Variants in CADPS2 observed in about 807,000 individuals in gnomAD.
CADPS2 encodes the protein calcium-dependent secretion activator 2.
A neutral mutation model predicts 172.5 loss-of-function variants in CADPS2; 93 were observed. The observed-to-expected ratio is 0.54, with a 90% CI of 0.46 to 0.64. CADPS2 has a LOEUF of 0.64. Among genes scored for constraint, CADPS2 ranks in the 30% least tolerant of loss-of-function variants. CADPS2 has a pLI of 0.00. For synonymous variants in CADPS2, 546 were observed against 555.2 expected (o/e 0.98, Z 0.23); for missense variants, 1,420 against 1,565.9 (o/e 0.91, Z 1.57).
At position 122,529,812 on chromosome 7, in the gene CADPS2, T is replaced by C. The variant is rs2429581; in HGVS notation, c.1476-16497A>G. Among the ~76,000 whole-genome samples, 506 of 152,230 alleles carry C rather than the reference T, an allele frequency of 3.3e-3. 4 individuals are homozygous for C. Among genetic ancestry groups the C allele is most frequent in the African/African-American group, 0.012 (481 of 41,582 alleles). ...TTCCTGGGTATGAGGTTTGATTCAA[T>C]TGCTGGCACATTTATATCTGCTTTT... On this transcript the variant is annotated intron_variant, in intron 8 of 29. Coordinates refer to ENST00000449022, the MANE Select transcript of CADPS2 (RefSeq NM_017954.11).
At chr7:122,325,187 A>G (rs1200205378) in intron 29 of CADPS2, among the ~76,000 whole-genome samples, 2 of 152,176 alleles carry the variant, frequency 1.3e-5, no homozygotes, top group Non-Finnish European at 2.9e-5. Context: ...GCTTAAGAAA[A>G]TTAATGTAAA....
intron 1 of CADPS2, among the ~76,000 whole-genome samples, chr7:122,744,245 G>GGCA (rs2092624613): frequency 6.6e-6 from 1 of 152,112 alleles, no homozygotes; most frequent in South Asian, 2.1e-4. Context: ...ATGGTGAGGT[G>GGCA]GCAAGATAAA....
At chr7:122,554,767 T>C (rs1258920681) in intron 7 of CADPS2, 78 bp from the exon 8 acceptor site, 2 of 1,295,912 alleles carry the variant, frequency 1.5e-6, no homozygotes, top group East Asian at 5.5e-5. Flanking sequence ...TTTTCTATGT[T>C]TTCCTGTTTG....
intron 1 of CADPS2, among the ~76,000 whole-genome samples, chr7:122,867,479 A>T (rs1170392717): frequency 6.6e-6 from 1 of 152,184 alleles, no homozygotes; most frequent in Admixed American, 6.5e-5. Context: ...CTCCCAGCTT[A>T]TTCTTGAAGG....
intron 2 of CADPS2, among the ~76,000 whole-genome samples, chr7:122,668,360 A>T (rs2081399077): frequency 6.6e-6 from 1 of 151,300 alleles, no homozygotes; most frequent in South Asian, 2.1e-4. Context: ...TGGAAAATCC[A>T]TTTAGTTTCG....
At chr7:122,338,553 G>C (rs2036262598) in intron 28 of CADPS2, among the ~76,000 whole-genome samples, 1 of 152,150 alleles carries the variant, frequency 6.6e-6, no homozygotes, top group Non-Finnish European at 1.5e-5. Flanking sequence ...GTGTTGATAG[G>C]AAAATCATGG....
At chr7:122,645,459 A>C (rs1160925779) in intron 3 of CADPS2, among the ~76,000 whole-genome samples, 1 of 87,098 alleles carries the variant, frequency 1.1e-5, no homozygotes, top group Non-Finnish European at 2.6e-5. Context: ...ACATATGTAT[A>C]TATGTGTATA....
At chr7:122,614,738 G>A (rs545652898) in intron 6 of CADPS2, among the ~76,000 whole-genome samples, 4 of 152,246 alleles carry the variant, frequency 2.6e-5, no homozygotes, top group East Asian at 3.9e-4. Flanking sequence ...TCTCTAGCCC[G>A]CTCACTAAGT....
chr7:122,649,927 T>TTTTTTTTTTTTTTTTTTTTTTTTC (rs2078971787), intron 3 of CADPS2, among the ~76,000 whole-genome samples: 1 of 124,940 alleles, frequency 8.0e-6, no homozygotes, highest in Admixed American at 8.5e-5. Flanking sequence ...TTTTTTTTTT[T>TTTTTTTTTTTTTTTTTTTTTTTTC]GAGAGAGTCT....
chr7:122,692,106 A>G (rs1178961572), intron 2 of CADPS2, among the ~76,000 whole-genome samples: 2 of 152,154 alleles, frequency 1.3e-5, no homozygotes, highest in Non-Finnish European at 2.9e-5. Context: ...TGACTGCAGC[A>G]GGCAATCTGT....
chr7:122,612,192 C>G (rs913194464), intron 6 of CADPS2, among the ~76,000 whole-genome samples: 1 of 151,724 alleles, frequency 6.6e-6, no homozygotes, highest in African/African-American at 2.4e-5. Flanking sequence ...CAACATTGAA[C>G]TGGAAACAAT....
intron 11 of CADPS2, among the ~76,000 whole-genome samples, chr7:122,485,561 A>G (rs2057723648): frequency 6.6e-6 from 1 of 152,220 alleles, no homozygotes; most frequent in South Asian, 2.1e-4. Context: ...AAGCCAGCAG[A>G]GGTCAGCTCA....
chr7:122,424,363 C>T (rs1452111477), intron 17 of CADPS2: 2 of 983,874 alleles, frequency 2.0e-6, no homozygotes, highest in Non-Finnish European at 2.4e-6. Context: ...TCATTGTAAG[C>T]CTATGGCCAG....
chr7:122,528,827 A>C (rs1250326869), intron 8 of CADPS2, among the ~76,000 whole-genome samples: 1 of 152,126 alleles, frequency 6.6e-6, no homozygotes, highest in Non-Finnish European at 1.5e-5. Context: ...GATTATTCAT[A>C]AACTACTAAA....
chr7:122,449,406 C>T (rs1374811868), intron 15 of CADPS2, among the ~76,000 whole-genome samples: 1 of 152,022 alleles, frequency 6.6e-6, no homozygotes, highest in African/African-American at 2.4e-5. Context: ...GCATTGACTT[C>T]CCAGGCTCAA....
chr7:122,375,317 T>A (rs2042213563), intron 25 of CADPS2, among the ~76,000 whole-genome samples: 1 of 152,096 alleles, frequency 6.6e-6, no homozygotes, highest in Non-Finnish European at 1.5e-5. Flanking sequence ...AAAGCTAAAA[T>A]AATCAAAAAA....
At chr7:122,668,497 C>T (rs535757269) in intron 2 of CADPS2, among the ~76,000 whole-genome samples, 29 of 151,784 alleles carry the variant, frequency 1.9e-4, no homozygotes, top group East Asian at 9.7e-4. Context: ...ACTGGATCCA[C>T]GGCAGGTTGG....
chr7:122,362,812 T>C (rs2040345569), intron 25 of CADPS2, among the ~76,000 whole-genome samples: 2 of 152,200 alleles, frequency 1.3e-5, no homozygotes, highest in Non-Finnish European at 1.5e-5. Flanking sequence ...TGTGAGTGCA[T>C]AGGAGATAAT....
intron 24 of CADPS2, chr7:122,386,407 G>T: frequency 1.4e-6 from 1 of 694,160 alleles, no homozygotes; most frequent in Non-Finnish European, 2.2e-6. Flanking sequence ...GGAAAAAAAG[G>T]CAACAAAATC....
Sources: allele counts gnomAD v4.1 joint callset (sites outside exome capture counted in the v4.1 genomes callset), GRCh38; gene constraint gnomAD v4.1.1; transcripts MANE v1.5; gene names NCBI Gene and HGNC (gene_info 2026-07-23, HGNC 2026-07-21).